Variants in SLC41A3 observed in about 807,000 individuals in gnomAD.
SLC41A3 encodes SLC41A1-like 2.
A neutral mutation model predicts 45.4 loss-of-function variants in SLC41A3; 44 were observed. The observed-to-expected ratio is 0.97, with a 90% CI of 0.76 to 1.25. The LOEUF (loss-of-function observed/expected upper bound fraction) is 1.25, where lower values mean the gene tolerates loss of function less well. Ranked by LOEUF, SLC41A3 falls within the 50% of genes most tolerant of loss-of-function variation. The pLI is 0.00. For synonymous variants in SLC41A3, 256 were observed against 252.4 expected, an observed-to-expected ratio of 1.01 and a Z score of -0.13; for missense variants, 550 against 600.6, an observed-to-expected ratio of 0.92 and a Z score of 0.88.
intron 1 of SLC41A3, among the ~76,000 whole-genome samples, chr3:126,080,627 C>T (rs947835706): frequency 3.3e-5 from 5 of 152,180 alleles, no homozygotes; most frequent in Admixed American, 2.0e-4. Flanking sequence ...AGTTCAGCCA[C>T]TATGGAGAAC....
intron 1 of SLC41A3, among the ~76,000 whole-genome samples, chr3:126,097,699 A>C (rs949546860): frequency 9.9e-5 from 15 of 152,174 alleles, no homozygotes; most frequent in African/African-American, 3.6e-4. Flanking sequence ...TCCTAACTCT[A>C]ATGCATGAAA....
At chr3:126,081,960 G>A (rs576645739) in intron 1 of SLC41A3, among the ~76,000 whole-genome samples, 1 of 152,380 alleles carries the variant, frequency 6.6e-6, no homozygotes, top group African/African-American at 2.4e-5. Context: ...TACCTAGAGA[G>A]CCCCAGCCCT....
chr3:126,048,872 C>T (rs965316039), intron 3 of SLC41A3, among the ~76,000 whole-genome samples: 1 of 151,994 alleles, frequency 6.6e-6, no homozygotes, highest in Non-Finnish European at 1.5e-5. Flanking sequence ...GACCTGCACA[C>T]TTAAACCCTC....
chr3:126,021,922 T>C (rs979982483), intron 6 of SLC41A3, among the ~76,000 whole-genome samples: 1 of 152,228 alleles, frequency 6.6e-6, no homozygotes. Flanking sequence ...TTGGCTATAT[T>C]ATTGTTCATT....
At chr3:126,039,108 C>A (rs1942408146) in intron 3 of SLC41A3, among the ~76,000 whole-genome samples, 2 of 152,210 alleles carry the variant, frequency 1.3e-5, no homozygotes. Flanking sequence ...TGGCACCATG[C>A]TTCCTGTTCA....
intron 1 of SLC41A3, among the ~76,000 whole-genome samples, chr3:126,078,345 T>C (rs1944979112): frequency 6.6e-6 from 1 of 152,184 alleles, no homozygotes; most frequent in South Asian, 2.1e-4. Flanking sequence ...AGGCTCACAC[T>C]GGAAGCCTGG....
At position 126,048,498 on chromosome 3, in the gene SLC41A3, A is replaced by G. The variant is rs541935013; in HGVS notation, c.381+2445T>C. 5.3e-5 allele frequency among the ~76,000 whole-genome samples: 8 copies of G among 152,342 alleles called. No individual in the cohort carries two copies. In the South Asian group the frequency reaches 1.0e-3, roughly 20 times the overall value. On this transcript the variant is annotated intron_variant, in intron 3 of 10. Transcript: ENST00000360370. ...TTTACCATTTGTTTTACAGTTTTCT[A>G]AGTGATTTGCTTAGATTTTCCAAGA...
intron 1 of SLC41A3, among the ~76,000 whole-genome samples, chr3:126,077,600 T>G (rs1322776828): frequency 6.6e-6 from 1 of 152,180 alleles, no homozygotes; most frequent in Non-Finnish European, 1.5e-5. Flanking sequence ...AATGTCTACA[T>G]GCCTGCTTGT....
chr3:126,050,927 C>T lies in SLC41A3; in HGVS notation c.381+16G>A, dbSNP rs759240325. 6 of 1,607,192 alleles carry T rather than the reference C, an allele frequency of 3.7e-6. No individual in the cohort carries two copies. The South Asian group carries it at 6.7e-5, about 18-fold the overall frequency. On this transcript the variant is annotated intron_variant, in intron 3 of 10. Transcript: ENST00000360370. Reference sequence around the variant, plus strand: ...CTCACGTTGTGGCCGCCTCGAATGTCCAGGTGTCCACTTACAGCTGTGGAG... The same window carrying T: ...CTCACGTTGTGGCCGCCTCGAATGTTCAGGTGTCCACTTACAGCTGTGGAG...
chr3:126,065,046 G>A (rs1289006774), intron 2 of SLC41A3, among the ~76,000 whole-genome samples: 1 of 152,246 alleles, frequency 6.6e-6, no homozygotes. Flanking sequence ...GAGAAGTGAA[G>A]TGCAGCCCCT....
At chr3:126,015,300 T>C (rs2107667013) in intron 8 of SLC41A3, among the ~76,000 whole-genome samples, 194 bp downstream of exon 8, 1 of 152,282 alleles carries the variant, frequency 6.6e-6, no homozygotes, top group Middle Eastern at 3.4e-3. Context: ...TGTGTGGGGC[T>C]TCCTCCCCAG....
At chr3:126,045,356 CA>C (rs35447492) in intron 3 of SLC41A3, among the ~76,000 whole-genome samples, 8,161 of 145,460 alleles carry the variant, frequency 0.056, 674 homozygotes, top group African/African-American at 0.19. Context: ...ATTGGTTCCT[CA>C]AAAAAAAAAA....
upstream of SLC41A3, among the ~76,000 whole-genome samples, chr3:126,086,386 TTTTC>T (rs1209713995): frequency 6.7e-6 from 1 of 149,488 alleles, no homozygotes; most frequent in Admixed American, 6.6e-5. Context: ...TCTAACCTAT[TTTTC>T]TTTTTCTTTG....
chr3:126,026,211 C>G lies in SLC41A3; in HGVS notation c.598+124G>C. On this transcript the variant is annotated intron_variant, in intron 5 of 10. Transcript: ENST00000360370. This position sits in a 1 kb window ranked among gnomAD's most constrained non-coding sequence, Gnocchi z 4.2. ...CCACCCTGCCAGTGAGAACCCTGAG[C>G]CCACCATCAGTCCCATTAGCAGTGG... 1 of 1,407,960 alleles carries G rather than the reference C, an allele frequency of 7.1e-7. No homozygotes were observed. Among genetic ancestry groups the G allele is most frequent in the Non-Finnish European group, 9.5e-7 (1 of 1,050,098 alleles). 87.2% of individuals were successfully genotyped at this position (1,407,960 alleles called of 1,614,324 possible). A position where few individuals can be genotyped will look rare whatever the true frequency, so the allele number is the denominator to read the frequency against.
chr3:126,084,477 C>G (rs953016344), upstream of SLC41A3: 1 of 152,264 alleles, frequency 6.6e-6, no homozygotes, highest in African/African-American at 2.4e-5. Context: ...AACCCACCGA[C>G]AGCCAACTTC....
At chr3:126,065,504 C>T (rs1689905653) in intron 2 of SLC41A3, among the ~76,000 whole-genome samples, 2 of 152,210 alleles carry the variant, frequency 1.3e-5, no homozygotes, top group Admixed American at 6.5e-5. Context: ...TGTGTACACC[C>T]ACTTTGAACC....
chr3:126,041,975 A>G (rs1301559745), intron 3 of SLC41A3, among the ~76,000 whole-genome samples: 1 of 152,170 alleles, frequency 6.6e-6, no homozygotes, highest in Non-Finnish European at 1.5e-5. Flanking sequence ...TCCTCCACAC[A>G]GCATGGTGCA....
intron 4 of SLC41A3, among the ~76,000 whole-genome samples, chr3:126,031,739 A>T (rs970540230): frequency 6.6e-6 from 1 of 152,224 alleles, no homozygotes; most frequent in African/African-American, 2.4e-5. Context: ...GGAAATGCAC[A>T]TCCATATGGA....
chr3:126,021,055 T>C (rs1374557269), intron 6 of SLC41A3, among the ~76,000 whole-genome samples: 1 of 152,100 alleles, frequency 6.6e-6, no homozygotes, highest in East Asian at 1.9e-4. Flanking sequence ...CCACCATGCC[T>C]TGCTAATTTT....
Sources: gnomAD v4.1 joint callset for allele counts (sites outside exome capture counted in the v4.1 genomes callset) on GRCh38, gnomAD v4.1.1 for gene constraint, Gnocchi (gnomAD v3.1) non-coding constraint, MANE v1.5 for transcripts, NCBI Gene and HGNC (gene_info 2026-07-23, HGNC 2026-07-21) for gene names.